The following TASP1 variants were observed in gnomAD, a reference collection of about 807,000 sequenced individuals.
The protein encoded by TASP1 is taspase 1.
In TASP1, 16 loss-of-function variants were observed where a neutral mutation model predicts 56.6. The ratio of observed to expected loss-of-function variants is 0.28; its 90% CI spans 0.19 to 0.43. TASP1 has a LOEUF of 0.43. Among genes scored for constraint, TASP1 ranks in the 20% least tolerant of loss-of-function variants. The pLI, the probability that TASP1 is intolerant of heterozygous loss-of-function variation, is 1.00. For synonymous variants in TASP1, 179 were observed against 184.2 expected, an observed-to-expected ratio of 0.97 and a Z score of 0.23; for missense variants, 393 against 511.6, an observed-to-expected ratio of 0.77 and a Z score of 2.24.
At chr20:13,544,196 A>T (rs979408873) in intron 8 of TASP1, among the ~76,000 whole-genome samples, 7 of 152,228 alleles carry the variant, frequency 4.6e-5, no homozygotes, top group Non-Finnish European at 8.8e-5. Flanking sequence ...TATTGGTCCC[A>T]TATTGCTATA....
chr20:13,451,669 G>A (rs1033456972), intron 11 of TASP1, among the ~76,000 whole-genome samples: 4 of 152,180 alleles, frequency 2.6e-5, no homozygotes, highest in East Asian at 1.9e-4. Context: ...CCTTAACACT[G>A]AGTGTTATAT....
chr20:13,615,457 A>G (rs117204658), intron 4 of TASP1, among the ~76,000 whole-genome samples: 2,564 of 152,192 alleles, frequency 0.017, 31 homozygotes, highest in Non-Finnish European at 0.025. Context: ...CACATGAAAG[A>G]AAGAGAGAGA....
chr20:13,171,532 A>G, the TASP1 span, among the ~76,000 whole-genome samples: 694 of 152,334 alleles, frequency 4.6e-3, 7 homozygotes, highest in East Asian at 0.014. Flanking sequence ...ACTGCTATAT[A>G]CAGTCAATGT....
intron 4 of TASP1, among the ~76,000 whole-genome samples, chr20:13,620,418 G>A (rs1445690567): frequency 6.6e-6 from 1 of 151,986 alleles, no homozygotes; most frequent in Non-Finnish European, 1.5e-5. Context: ...TAAATATACA[G>A]CCAGATACAC....
At chr20:13,421,620 G>A (rs1354639530) in intron 12 of TASP1, among the ~76,000 whole-genome samples, 1 of 151,930 alleles carries the variant, frequency 6.6e-6, no homozygotes. Context: ...TAAAATAAAC[G>A]CAAATTAAAA....
the TASP1 span, chr20:13,245,458 T>G: frequency 6.6e-6 from 1 of 152,208 alleles, no homozygotes; most frequent in Non-Finnish European, 1.5e-5. Context: ...CCATACCCTA[T>G]TTGTCAGAAG....
chr20:13,141,010 C>T, the TASP1 span, among the ~76,000 whole-genome samples: 5 of 152,046 alleles, frequency 3.3e-5, no homozygotes, highest in South Asian at 8.3e-4. Flanking sequence ...TGCTCTGGTC[C>T]CTGCAACAAG....
At chr20:13,174,994 C>T in the TASP1 span, among the ~76,000 whole-genome samples, 4 of 152,064 alleles carry the variant, frequency 2.6e-5, no homozygotes, top group Non-Finnish European at 5.9e-5. Flanking sequence ...TCTTGCCTGC[C>T]GCCGTGTAAT....
At chr20:13,522,898 G>A (rs2044820204) in intron 10 of TASP1, among the ~76,000 whole-genome samples, 2 of 152,162 alleles carry the variant, frequency 1.3e-5, no homozygotes, top group South Asian at 4.1e-4. Flanking sequence ...AGGAAAAACA[G>A]GAGTGTGTGG....
At chr20:13,220,235 G>A in the TASP1 span, among the ~76,000 whole-genome samples, 45 of 152,348 alleles carry the variant, frequency 3.0e-4, no homozygotes, top group South Asian at 2.7e-3. Flanking sequence ...GCTACTCCGA[G>A]TCACTTCGGT....
the TASP1 span, among the ~76,000 whole-genome samples, chr20:13,198,790 TTGTCTTTCTTTCTTTC>T: frequency 6.7e-6 from 1 of 148,954 alleles, no homozygotes. Flanking sequence ...CTTTCTTTCT[TTGTCTTTCTTTCTTTC>T]TTTCTTTCTT....
At chr20:13,441,638 C>G (rs1215985820) in intron 11 of TASP1, among the ~76,000 whole-genome samples, 1 of 152,142 alleles carries the variant, frequency 6.6e-6, no homozygotes, top group African/African-American at 2.4e-5. Flanking sequence ...AGGTCACAGA[C>G]AGTGATAACA....
chr20:13,177,301 G>A, the TASP1 span, among the ~76,000 whole-genome samples: 1 of 152,018 alleles, frequency 6.6e-6, no homozygotes, highest in African/African-American at 2.4e-5. Flanking sequence ...CATGCTCATG[G>A]ATTGGAAGAA....
the TASP1 span, chr20:13,167,086 A>T: frequency 6.6e-6 from 1 of 152,326 alleles, no homozygotes; most frequent in South Asian, 2.1e-4. Flanking sequence ...ATCCAAGTAG[A>T]ATGCTTCCAC....
the TASP1 span, among the ~76,000 whole-genome samples, chr20:13,302,892 C>G: frequency 6.6e-6 from 1 of 152,104 alleles, no homozygotes; most frequent in African/African-American, 2.4e-5. Flanking sequence ...GGACCCAGTT[C>G]ATGTAACCGC....
At chr20:13,413,435 T>C (rs2042155909) in intron 13 of TASP1, among the ~76,000 whole-genome samples, 1 of 152,090 alleles carries the variant, frequency 6.6e-6, no homozygotes, top group Non-Finnish European at 1.5e-5. Context: ...GGACAGCACC[T>C]TGATTATGAA....
chr20:13,379,152 G>T, the TASP1 span, among the ~76,000 whole-genome samples: 1 of 152,152 alleles, frequency 6.6e-6, no homozygotes, highest in Non-Finnish European at 1.5e-5. Flanking sequence ...ATTAGTTGAT[G>T]CAGTTTCTTC....
At chr20:13,334,927 T>C in the TASP1 span, among the ~76,000 whole-genome samples, 22 of 152,316 alleles carry the variant, frequency 1.4e-4, no homozygotes, top group African/African-American at 4.1e-4. Context: ...AGAATGGTAA[T>C]TACCTTGGCA....
Position 13,554,865 on chromosome 20 carries a change from G to C in TASP1, c.675+4143C>G, listed in dbSNP as rs116305066. On this transcript the variant is annotated intron_variant, in intron 8 of 13. Transcript: ENST00000337743. ...GAAGGGCCTTGCCTCAATGTTGATG[G>C]CTGCTGACTAATCAGGGTGGCAGTT... 7.9e-3 allele frequency among the ~76,000 whole-genome samples: 1,195 copies of C among 152,156 alleles called. 19 individuals carry two copies. The highest frequency in any genetic ancestry group is 0.027 in the African/African-American group (1,133 of 41,504).
Sources: allele counts gnomAD v4.1 joint callset (sites outside exome capture counted in the v4.1 genomes callset), GRCh38; gene constraint gnomAD v4.1.1; transcripts MANE v1.5; gene names NCBI Gene and HGNC (gene_info 2026-07-23, HGNC 2026-07-21).